ATP6V1A: variants seen among roughly 807,000 people sequenced by gnomAD.
ATP6V1A encodes ATPase H+ transporting V1 subunit A.
A neutral mutation model predicts 70.1 loss-of-function variants in ATP6V1A; 18 were observed. That is an observed-to-expected ratio of 0.26 (90% CI 0.18 to 0.38). The LOEUF (loss-of-function observed/expected upper bound fraction) is 0.38. Ranked by LOEUF, ATP6V1A falls within the 10% of genes least tolerant of loss-of-function variation. The pLI, the probability that ATP6V1A is intolerant of heterozygous loss-of-function variation, is 1.00. For synonymous variants in ATP6V1A, 232 were observed against 253.8 expected, an observed-to-expected ratio of 0.91 and a Z score of 0.82; for missense variants, 424 against 772.4, an observed-to-expected ratio of 0.55 and a Z score of 5.35.
rs564731687 is a variant in ATP6V1A at position 113,782,907 on chromosome 3, A to G, written c.212-1317A>G. ...AAGATAGCATATTTTAGGTACTGTT[A>G]TACACCTTGCTTTTTTTCACTTAAA... On this transcript the variant is annotated intron_variant, in intron 3 of 14. Coordinates refer to ENST00000273398, the MANE Select transcript of ATP6V1A (RefSeq NM_001690.4). 1.6e-4 allele frequency among the ~76,000 whole-genome samples: 24 copies of G among 152,126 alleles called. No homozygotes were observed. In the East Asian group the frequency reaches 2.1e-3, roughly 13 times the overall value.
chr3:113,751,699 T>C (rs1256548936), intron 1 of ATP6V1A, among the ~76,000 whole-genome samples: 1 of 151,134 alleles, frequency 6.6e-6, no homozygotes, highest in African/African-American at 2.4e-5. Context: ...ATATACTATA[T>C]ATAGAGTAAA....
rs530690953 is a variant in ATP6V1A, at chr3:113,788,808, T to C, written c.812T>C (p.Val271Ala). 6.2e-7 allele frequency: 1 copy of C among 1,613,892 alleles called. No homozygotes were observed. Among genetic ancestry groups the C allele is most frequent in the African/African-American group, 1.3e-5 (1 of 75,044 alleles). Residue 271 changes from valine to alanine, a missense_variant, in exon 7 of 15, where the codon GTA becomes GCA. Physicochemically the swap from Val to Ala is moderately conservative, Grantham distance 64 (BLOSUM62 0). This residue lies in a region of ATP6V1A where 8 missense variants were observed against 41.8 expected (regional missense o/e 0.19). Coordinates refer to ENST00000273398, the MANE Select transcript of ATP6V1A (RefSeq NM_001690.4). ...QSLSKYSNSD[V>A]IIYVGCGERG... Reference sequence around the variant, plus strand: ...CTATCCAAGTATTCTAACAGTGATGTAATCATCTATGTAGGATGTGGTGAA... The same window carrying C: ...CTATCCAAGTATTCTAACAGTGATGCAATCATCTATGTAGGATGTGGTGAA...
At chr3:113,765,284 TAAA>T (rs1261900949) in intron 1 of ATP6V1A, among the ~76,000 whole-genome samples, 3 of 152,158 alleles carry the variant, frequency 2.0e-5, no homozygotes, top group African/African-American at 7.2e-5. Flanking sequence ...TAGGTATTAG[TAAA>T]ATACAATGTT....
chr3:113,774,257 C>T (rs926566240), intron 1 of ATP6V1A, among the ~76,000 whole-genome samples: 10 of 152,122 alleles, frequency 6.6e-5, no homozygotes, highest in African/African-American at 2.4e-4. Flanking sequence ...ATAAGAACAA[C>T]TAGATTTGGT....
intron 1 of ATP6V1A, among the ~76,000 whole-genome samples, chr3:113,773,934 G>A (rs930530740): frequency 6.6e-6 from 1 of 152,058 alleles, no homozygotes; most frequent in African/African-American, 2.4e-5. Context: ...ATCCTTGGGG[G>A]AAAGATTGTG....
chr3:113,752,820 C>A (rs942082291), intron 1 of ATP6V1A, among the ~76,000 whole-genome samples: 55 of 151,894 alleles, frequency 3.6e-4, no homozygotes, highest in African/African-American at 1.2e-3. Context: ...ATAATTGATC[C>A]AATACATTGC....
chr3:113,753,488 G>GC (rs1559747296), intron 1 of ATP6V1A, among the ~76,000 whole-genome samples: 1 of 152,124 alleles, frequency 6.6e-6, no homozygotes, highest in East Asian at 1.9e-4. Flanking sequence ...AGGAGTGTTA[G>GC]CTGCAACAGT....
intron 1 of ATP6V1A, among the ~76,000 whole-genome samples, chr3:113,774,798 G>A (rs1289358446): frequency 1.3e-5 from 2 of 150,384 alleles, no homozygotes; most frequent in Non-Finnish European, 3.0e-5. Flanking sequence ...GGGTGACAGA[G>A]TGAGACCCTG....
intron 12 of ATP6V1A, among the ~76,000 whole-genome samples, chr3:113,802,517 C>A (rs1295957988): frequency 6.6e-6 from 1 of 152,114 alleles, no homozygotes; most frequent in South Asian, 2.1e-4. Flanking sequence ...TTAGTAGAGA[C>A]GGGGTTTCCC....
At chr3:113,762,691 G>A (rs1708719447) in intron 1 of ATP6V1A, among the ~76,000 whole-genome samples, 1 of 152,120 alleles carries the variant, frequency 6.6e-6, no homozygotes, top group Non-Finnish European at 1.5e-5. Context: ...GTTTGCTGAT[G>A]ACAGTCCTTG....
chr3:113,768,023 G>T (rs115323965), intron 1 of ATP6V1A, among the ~76,000 whole-genome samples: 100 of 152,316 alleles, frequency 6.6e-4, no homozygotes, highest in African/African-American at 2.3e-3. Flanking sequence ...GTGTTTAGCT[G>T]ACACAATTTA....
intron 1 of ATP6V1A, among the ~76,000 whole-genome samples, chr3:113,774,052 G>C (rs1363161941): frequency 1.5e-5 from 2 of 135,490 alleles, no homozygotes; most frequent in African/African-American, 5.6e-5. Flanking sequence ...AAATGCACCT[G>C]ATAACTAGGA....
At chr3:113,796,257 C>T (rs1319554471) in intron 11 of ATP6V1A, among the ~76,000 whole-genome samples, 1 of 152,058 alleles carries the variant, frequency 6.6e-6, no homozygotes, top group Admixed American at 6.5e-5. Context: ...AACAAAGAGG[C>T]CCAAAAATGT....
At chr3:113,781,383 G>T (rs1371189205) in intron 3 of ATP6V1A, among the ~76,000 whole-genome samples, 2 of 152,160 alleles carry the variant, frequency 1.3e-5, no homozygotes, top group Admixed American at 6.5e-5. Flanking sequence ...TGGGTATAGT[G>T]GCAGGCGCCT....
rs189198943 is a variant in ATP6V1A at position 113,751,635 on chromosome 3, C to T, written c.-14+4522C>T. Among the ~76,000 whole-genome samples the T allele has an allele frequency of 3.8e-4, 58 of 150,998 alleles. 1 individual carries two copies. Among genetic ancestry groups the T allele is most frequent in the South Asian group, 8.4e-4 (4 of 4,790 alleles). On this transcript the variant is annotated intron_variant, in intron 1 of 14. Coordinates refer to ENST00000273398, the MANE Select transcript of ATP6V1A (RefSeq NM_001690.4). ...TTTTTTCCCTATGGTGAAATGATAGCGACTTTGGTTTTTATAAGTGTATTC... is the reference window on the plus strand; with the variant it reads ...TTTTTTCCCTATGGTGAAATGATAGTGACTTTGGTTTTTATAAGTGTATTC...
At chr3:113,793,659 C>G (rs1709122189) in intron 8 of ATP6V1A, among the ~76,000 whole-genome samples, 1 of 152,090 alleles carries the variant, frequency 6.6e-6, no homozygotes, top group Non-Finnish European at 1.5e-5. Flanking sequence ...GTTGTTGAAG[C>G]CTTAATATTG....
chr3:113,810,386 A>G lies in ATP6V1A; in HGVS notation c.*959A>G, dbSNP rs1577099400. ...AAATAGACATTTGTGGGGCTCACAC[A>G]ATATATGAAATAGTACCCTCTAAAA... On this transcript the variant is annotated 3_prime_UTR_variant, in exon 15 of 15. Transcript: ENST00000273398. 6.6e-6 allele frequency: 1 copy of G among 152,138 alleles called. No individual in the cohort carries two copies. Among genetic ancestry groups the G allele is most frequent in the South Asian group, 2.1e-4 (1 of 4,830 alleles). 9.4% of individuals were successfully genotyped at this position (152,138 alleles called of 1,614,324 possible).
chr3:113,782,644 G>T (rs1012926274), intron 3 of ATP6V1A, among the ~76,000 whole-genome samples: 1 of 147,090 alleles, frequency 6.8e-6, no homozygotes, highest in Non-Finnish European at 1.5e-5. Flanking sequence ...TGCTTTTTGA[G>T]ACAGAGTCTC....
chr3:113,805,751 A>G (rs1336692550), intron 14 of ATP6V1A, among the ~76,000 whole-genome samples: 2 of 152,004 alleles, frequency 1.3e-5, no homozygotes, highest in African/African-American at 2.4e-5. Context: ...GGATTTTTTT[A>G]GTAGAGATGG....
Sources: allele counts gnomAD v4.1 joint callset (sites outside exome capture counted in the v4.1 genomes callset), GRCh38; gene constraint gnomAD v4.1.1; regional missense constraint gnomAD v4.1.1; transcripts MANE v1.5; gene names NCBI Gene and HGNC (gene_info 2026-07-23, HGNC 2026-07-21).